SALL2: variants seen among roughly 807,000 people sequenced by gnomAD.
The protein encoded by SALL2 is spalt like transcription factor 2, also known as sal-like protein 2.
In SALL2, 32 loss-of-function variants were observed where a neutral mutation model predicts 58.5. The observed-to-expected ratio is 0.55, with a 90% CI of 0.41 to 0.74. The LOEUF (loss-of-function observed/expected upper bound fraction) is 0.74. Among genes scored for constraint, SALL2 ranks in the 30% least tolerant of loss-of-function variants. The pLI is 0.00. For missense variants in SALL2, 1,201 were observed against 1,268.9 expected (o/e 0.95, Z 0.81); for synonymous variants, 516 against 513.6 (o/e 1.00, Z -0.06).
intron 1 of SALL2, among the ~76,000 whole-genome samples, chr14:21,535,214 A>G (rs180911643): frequency 1.7e-3 from 264 of 152,094 alleles, no homozygotes; most frequent in Middle Eastern, 6.8e-3. Flanking sequence ...GCGTGGTGGC[A>G]GGCGCCTATA....
chr14:21,528,590 A>AG (rs1190921177), upstream of SALL2, among the ~76,000 whole-genome samples: 1 of 151,750 alleles, frequency 6.6e-6, no homozygotes, highest in East Asian at 1.9e-4. Flanking sequence ...CAAATGAGGG[A>AG]GGGGGGTTCT....
intron 1 of SALL2, among the ~76,000 whole-genome samples, chr14:21,534,394 A>G (rs561853595): frequency 6.6e-6 from 1 of 152,224 alleles, no homozygotes; most frequent in South Asian, 2.1e-4. Context: ...TCATAGCTCA[A>G]AGGCAAATTT....
Position 21,522,440 on chromosome 14 carries a change from G to C in SALL2, c.*264C>G. Reference sequence around the variant, plus strand: ...AAGAAGGGTCACACCAGGGAAGCTGGAGAGGGTTCCCCTTGAGAAAGCTGC... The same window carrying C: ...AAGAAGGGTCACACCAGGGAAGCTGCAGAGGGTTCCCCTTGAGAAAGCTGC... On this transcript the variant is annotated 3_prime_UTR_variant, in exon 2 of 2. Coordinates refer to ENST00000537235, the MANE Select transcript of SALL2 (RefSeq NM_001364564.1). 5.0e-6 allele frequency: 7 copies of C among 1,407,538 alleles called. No individual in the cohort carries two copies. Among genetic ancestry groups the C allele is most frequent in the Non-Finnish European group, 6.5e-6 (7 of 1,084,490 alleles). 87.2% of individuals were successfully genotyped at this position (1,407,538 alleles called of 1,614,324 possible).
rs1892112601 is a variant in SALL2 at position 21,523,107 on chromosome 14, C to G, written c.2615G>C (p.Ser872Thr). The change falls in exon 2 of 2, where the codon AGT (serine) becomes ACT (threonine). Residue 872 changes from serine to threonine, a missense_variant. Physicochemically the swap from Ser to Thr is moderately conservative, Grantham distance 58. This residue lies in a region of SALL2 where 675 missense variants were observed against 683.8 expected (regional missense o/e 0.99). Coordinates refer to ENST00000537235, the MANE Select transcript of SALL2 (RefSeq NM_001364564.1). This position sits in a 1 kb window ranked among gnomAD's most constrained non-coding sequence, Gnocchi z 4.4. ...EEGGKPERSS[S>T]PASALTPEGE... ...TTCTGGGGTGAGTGCTGATGCCGGA[C>G]TTGAGCTTCTCTCCGGTTTGCCCCC... 6.2e-7 allele frequency: 1 copy of G among 1,614,206 alleles called. No individual in the cohort carries two copies. The highest frequency in any genetic ancestry group is 1.7e-5 in the Admixed American group (1 of 60,026).
In SALL2 at chr14:21,523,074, G is replaced by C. The variant is rs900524926; in HGVS notation, c.2648C>G (p.Ala883Gly). Residue 883 changes from alanine to glycine, a missense_variant, in exon 2 of 2, where the codon GCC becomes GGC. By Grantham distance (60) the Ala-to-Gly change is moderately conservative. Around this residue, in one of 3 missense-constraint regions of SALL2, gnomAD observed 675 missense variants for 683.8 expected, o/e 0.99. Transcript: ENST00000537235. This position sits in a 1 kb window ranked among gnomAD's most constrained non-coding sequence, Gnocchi z 4.4. ...CTCCTCTACCAAGGTCACGCTGGTG[G>C]CTTCCCCTTCTGGGGTGAGTGCTGA... is the stretch of plus-strand genomic sequence containing the variant. The part of the protein sequence containing the change: ...PASALTPEGE[A>G]TSVTLVEELS... 2.5e-6 allele frequency: 4 copies of C among 1,614,096 alleles called. No individual in the cohort carries two copies. In the East Asian group the frequency reaches 8.9e-5, roughly 36 times the overall value.
chr14:21,525,784 A>G lies in SALL2; in HGVS notation c.68-130T>C. 2 of 946,556 alleles carry G rather than the reference A, an allele frequency of 2.1e-6. No homozygotes were observed. The highest frequency in any genetic ancestry group is 2.9e-6 in the Non-Finnish European group (2 of 679,364). The allele number at this position is 946,556 out of a possible 1,614,324, so 58.6% of individuals were successfully genotyped here. ...GATGAGCTCACCATCAGGGCCATGC[A>G]GAAGTCTAGAGCTCAGGCCTGATCC... is the stretch of plus-strand genomic sequence containing the variant. On this transcript the variant is annotated intron_variant, in intron 1 of 1. Transcript: ENST00000537235. This position sits in a 1 kb window ranked among gnomAD's most constrained non-coding sequence, Gnocchi z 4.4.
intron 1 of SALL2, among the ~76,000 whole-genome samples, chr14:21,536,651 A>C (rs1311693525): frequency 6.6e-6 from 1 of 152,198 alleles, no homozygotes; most frequent in Non-Finnish European, 1.5e-5. Flanking sequence ...ACACAAACAG[A>C]ATCAATCCCA....
At position 21,522,693 on chromosome 14, in the gene SALL2, G is replaced by T. The variant is rs202016107; in HGVS notation, c.*11C>A. ...TGTGGGACAAAGAGCAGCAGGTACA[G>T]AAAAACAGGCTCATGGGATCGTGGG... On this transcript the variant is annotated 3_prime_UTR_variant, in exon 2 of 2. Transcript: ENST00000537235. The T allele has an allele frequency of 8.8e-5, 133 of 1,515,100 alleles. 1 individual carries two copies. The South Asian group carries it at 9.0e-4, about 10-fold the overall frequency. The allele number at this position is 1,515,100 out of a possible 1,614,324, so 93.9% of individuals were successfully genotyped here. A position where few individuals can be genotyped will look rare whatever the true frequency, so the allele number is the denominator to read the frequency against.
At chr14:21,526,001 C>CGGGGGGGGGGGGGGGGCCGG in intron 1 of SALL2, 60 bp downstream of exon 1, 1 of 1,389,790 alleles carries the variant, frequency 7.2e-7, no homozygotes. Flanking sequence ...AAAGTCTTCG[C>CGGGGGGGGGGGGGGGGCCGG]CGCCCCTGCG....
Position 21,524,265 on chromosome 14 carries a change from T to C in SALL2, c.1457A>G (p.Glu486Gly). 6.2e-7 allele frequency: 1 copy of C among 1,613,956 alleles called. No individual in the cohort carries two copies. Among genetic ancestry groups the C allele is most frequent in the Non-Finnish European group, 8.5e-7 (1 of 1,179,966 alleles). The change falls in exon 2 of 2, where the codon GAG (glutamate) becomes GGG (glycine). Residue 486 changes from glutamate to glycine, a missense_variant. Coordinates refer to ENST00000537235, the MANE Select transcript of SALL2 (RefSeq NM_001364564.1). ...ACTGGTGGAGAGCAGAGTCAGGCTC[T>C]CTGTGGCACTGAGTGCTGTTGTGGA... ...VASTTALSAT[E>G]SLTLLSTSAG...
At position 21,535,504 on chromosome 14, in the gene SALL2, C is replaced by T. The variant is rs530258756; in HGVS notation, c.-114+1458G>A. Among the ~76,000 whole-genome samples, 46 of 152,274 alleles carry T rather than the reference C, an allele frequency of 3.0e-4. No individual in the cohort carries two copies. The South Asian group carries it at 9.3e-3, about 31-fold the overall frequency. The stretch of plus-strand genomic sequence containing the variant: ...AATAACGATATTCACACATATTAAG[C>T]ACTTATTTATGCTAGGTATTTTTCC... On this transcript the variant is annotated intron_variant, in intron 1 of 1. Coordinates refer to the SALL2 transcript ENST00000541965.
At chr14:21,526,030 C>A in intron 1 of SALL2, 31 bp downstream of exon 1, 3 of 1,506,932 alleles carry the variant, frequency 2.0e-6, no homozygotes, top group Non-Finnish European at 8.9e-7. Context: ...TCCGCCCCCA[C>A]CCCTGCCCAG....
chr14:21,531,898 T>A (rs1849949528), intron 1 of SALL2, among the ~76,000 whole-genome samples: 1 of 151,872 alleles, frequency 6.6e-6, no homozygotes, highest in South Asian at 2.1e-4. Flanking sequence ...CCCAGCTAAT[T>A]TTTGTATTTT....
rs1208392534 is a variant in SALL2 at position 21,523,058 on chromosome 14, C to G, written c.2664G>C (p.Leu888Phe). The G allele has an allele frequency of 1.2e-6, 2 of 1,614,152 alleles. No homozygotes were observed. The highest frequency in any genetic ancestry group is 1.7e-6 in the Non-Finnish European group (2 of 1,180,012). The change falls in exon 2 of 2, where the codon TTG becomes TTC. Residue 888 changes from leucine to phenylalanine, a missense_variant. Coordinates refer to ENST00000537235, the MANE Select transcript of SALL2 (RefSeq NM_001364564.1). This position sits in a 1 kb window ranked among gnomAD's most constrained non-coding sequence, Gnocchi z 4.4. Reference protein sequence around the residue: ...TPEGEATSVTLVEELSLQEAM... With the variant: ...TPEGEATSVTFVEELSLQEAM... ...CCTCCTGCAGGCTCAGCTCCTCTAC[C>G]AAGGTCACGCTGGTGGCTTCCCCTT...
At chr14:21,526,469 A>C, upstream of SALL2, 1 of 1,291,208 alleles carries the variant, frequency 7.7e-7, no homozygotes, top group Non-Finnish European at 9.9e-7. Flanking sequence ...AGAGCTCGGG[A>C]GAGTTTCCGG....
Position 21,525,104 on chromosome 14 carries a change from C to T in SALL2, c.618G>A (p.Leu206=), listed in dbSNP as rs773824884. ...CCGTCTGGCCTAAGGAGCCAAGCAA[C>T]AGCACCTGCCTGCAGATTTGCTCAG... ...QMTEQICRQV[L]LLGSLGQTVG... Residue 206 remains leucine (L), a synonymous_variant, in exon 2 of 2, where the codon CTG becomes CTA. Coordinates refer to ENST00000537235, the MANE Select transcript of SALL2 (RefSeq NM_001364564.1). The surrounding 1 kb of genome is among the most constrained non-coding windows in gnomAD (Gnocchi z 4.4). 3 of 1,614,138 alleles carry T rather than the reference C, an allele frequency of 1.9e-6. No homozygotes were observed. The highest frequency in any genetic ancestry group is 2.2e-5 in the South Asian group (2 of 91,088).
At chr14:21,528,119 C>G (rs1892372400), upstream of SALL2, among the ~76,000 whole-genome samples, 1 of 139,998 alleles carries the variant, frequency 7.1e-6, no homozygotes, top group South Asian at 2.2e-4. Context: ...GCCTGGGCAA[C>G]AAGAGTGAAA....
rs768157217 is a variant in SALL2 at position 21,523,071 on chromosome 14, G to T, written c.2651C>A (p.Thr884Asn). The T allele has an allele frequency of 5.6e-6, 9 of 1,613,996 alleles. 1 individual carries two copies. The highest frequency in any genetic ancestry group is 1.7e-5 in the Admixed American group (1 of 60,006). The change falls in exon 2 of 2, where the codon ACC (threonine) becomes AAC (asparagine). Residue 884 changes from threonine to asparagine, a missense_variant. Thr to Asn is a moderately conservative substitution (Grantham distance 65, BLOSUM62 0). Coordinates refer to ENST00000537235, the MANE Select transcript of SALL2 (RefSeq NM_001364564.1). This position sits in a 1 kb window ranked among gnomAD's most constrained non-coding sequence, Gnocchi z 4.4. ...ASALTPEGEA[T>N]SVTLVEELSL... is the part of the protein sequence containing the mutation. ...CAGCTCCTCTACCAAGGTCACGCTGGTGGCTTCCCCTTCTGGGGTGAGTGC... is the reference window on the plus strand; with the variant it reads ...CAGCTCCTCTACCAAGGTCACGCTGTTGGCTTCCCCTTCTGGGGTGAGTGC...
Position 21,525,066 on chromosome 14 carries a change from G to C in SALL2, c.656C>G (p.Ala219Gly), listed in dbSNP as rs143504369. 473 of 1,614,112 alleles carry C rather than the reference G, an allele frequency of 2.9e-4. 2 individuals are homozygous for C. The African/African-American group carries it at 5.7e-3, about 20-fold the overall frequency. Residue 219 changes from alanine (A) to glycine (G), a missense_variant, in exon 2 of 2, where the codon GCC becomes GGC. Around this residue, in one of 3 missense-constraint regions of SALL2, gnomAD observed 467 missense variants for 468.9 expected, o/e 1.00. Transcript: ENST00000537235. The surrounding 1 kb of genome is among the most constrained non-coding windows in gnomAD (Gnocchi z 4.4). ...GSLGQTVGAP[A>G]SPSELPGTGT... ...TGTCCCAGGTAGCTCTGAGGGACTG[G>C]CAGGGGCACCCACCGTCTGGCCTAA... is the stretch of plus-strand genomic sequence containing the variant.
Sources: gnomAD v4.1 joint callset for allele counts (sites outside exome capture counted in the v4.1 genomes callset) on GRCh38, gnomAD v4.1.1 for gene constraint, gnomAD v4.1.1 regional missense constraint, Gnocchi (gnomAD v3.1) non-coding constraint, MANE v1.5 for transcripts, NCBI Gene and HGNC (gene_info 2026-07-23, HGNC 2026-07-21) for gene names.